Variants in CACNA1D observed in about 807,000 individuals in gnomAD.
CACNA1D encodes the protein calcium voltage-gated channel subunit alpha1 D.
In CACNA1D, 55 loss-of-function variants were observed where a neutral mutation model predicts 257.1. That is an observed-to-expected ratio of 0.21 (90% CI 0.17 to 0.27). The LOEUF is 0.27. Ranked by LOEUF, CACNA1D falls within the 10% of genes least tolerant of loss-of-function variation. CACNA1D has a pLI of 1.00. For synonymous variants in CACNA1D, 980 were observed against 1,014.9 expected, an observed-to-expected ratio of 0.97 and a Z score of 0.65; for missense variants, 1,876 against 2,784.0, an observed-to-expected ratio of 0.67 and a Z score of 7.34.
At chr3:53,632,495 A>G (rs1025457236) in intron 3 of CACNA1D, among the ~76,000 whole-genome samples, 1 of 152,246 alleles carries the variant, frequency 6.6e-6, no homozygotes, top group South Asian at 2.1e-4. Context: ...CATTGGAGTA[A>G]CACTTCTAAT....
At chr3:53,635,592 TTCTC>T (rs1490496640) in intron 3 of CACNA1D, among the ~76,000 whole-genome samples, 3 of 152,118 alleles carry the variant, frequency 2.0e-5, no homozygotes, top group Non-Finnish European at 4.4e-5. Flanking sequence ...GGGCTGCCCT[TTCTC>T]TATCTGGGTT....
At chr3:53,649,391 C>T (rs1328796221) in intron 3 of CACNA1D, among the ~76,000 whole-genome samples, 1 of 151,662 alleles carries the variant, frequency 6.6e-6, no homozygotes, top group African/African-American at 2.4e-5. Flanking sequence ...GCTTTTTTTC[C>T]CCCTGGAATC....
chr3:53,575,559 C>T (rs937681624), intron 3 of CACNA1D, among the ~76,000 whole-genome samples: 1 of 152,166 alleles, frequency 6.6e-6, no homozygotes, highest in African/African-American at 2.4e-5. Flanking sequence ...AATTCCCACA[C>T]CACAGGTGTG....
intron 3 of CACNA1D, among the ~76,000 whole-genome samples, chr3:53,616,063 A>G (rs566429270): frequency 1.3e-5 from 2 of 152,156 alleles, no homozygotes; most frequent in South Asian, 4.2e-4. Context: ...AGACTTGATG[A>G]TCCTTGGGAA....
At chr3:53,639,538 C>T (rs182492363) in intron 3 of CACNA1D, among the ~76,000 whole-genome samples, 58 of 152,170 alleles carry the variant, frequency 3.8e-4, no homozygotes, top group Admixed American at 1.4e-3. Flanking sequence ...AGGTGCATGC[C>T]ACCATGCCCA....
intron 5 of CACNA1D, among the ~76,000 whole-genome samples, chr3:53,663,552 A>T (rs1485197527): frequency 6.6e-6 from 1 of 152,078 alleles, no homozygotes; most frequent in Non-Finnish European, 1.5e-5. Flanking sequence ...TGCTGCCCCC[A>T]TCCTTCTTTT....
intron 29 of CACNA1D, among the ~76,000 whole-genome samples, chr3:53,755,334 AGT>A (rs147863905): frequency 0.027 from 4,135 of 151,950 alleles, 191 homozygotes; most frequent in African/African-American, 0.093. Context: ...TGTGTGTGTC[AGT>A]GTGTGTGTGT....
Position 53,776,628 on chromosome 3 carries a change from T to C in CACNA1D, c.4388T>C (p.Ile1463Thr), listed in dbSNP as rs2095399250. 6.2e-7 allele frequency: 1 copy of C among 1,614,126 alleles called. No individual in the cohort carries two copies. Among genetic ancestry groups the C allele is most frequent in the African/African-American group, 1.3e-5 (1 of 74,930 alleles). Residue 1463 changes from isoleucine (I) to threonine (T), a missense_variant, in exon 36 of 48, where the codon ATC (isoleucine) becomes ACC (threonine). Coordinates refer to ENST00000350061, the MANE Select transcript of CACNA1D (RefSeq NM_001128840.3). ...ATCATCAATCTGTTTGTGGCTGTCA[T>C]CATGGATAATTTCGACTATCTGACC... ...FLIINLFVAV[I>T]MDNFDYLTRD...
At chr3:53,790,467 A>G (rs978216652) in intron 40 of CACNA1D, among the ~76,000 whole-genome samples, 3 of 152,372 alleles carry the variant, frequency 2.0e-5, no homozygotes, top group East Asian at 1.9e-4. Context: ...CGAGGACACT[A>G]TGTCCCCCAC....
Position 53,713,527 on chromosome 3 carries a change from TGTGTGTGTGTGTGTGTGA to T in CACNA1D, c.1391-4772_1391-4755del, listed in dbSNP as rs1458387390. Among the ~76,000 whole-genome samples, 347 of 142,420 alleles carry T rather than the reference TGTGTGTGTGTGTGTGTGA, an allele frequency of 2.4e-3. 1 individual carries two copies. Among genetic ancestry groups the T allele is most frequent in the African/African-American group, 8.6e-3 (323 of 37,426 alleles). 93.4% of individuals were successfully genotyped at this position (142,420 alleles called of 152,430 possible). ...ATGTGTGTGTGTGTGTGTGTGTGTG[TGTGTGTGTGTGTGTGTGA>T]GAGATTTGCCTCCAAATTCACAAGC... On this transcript the variant is annotated intron_variant, in intron 9 of 47. Transcript: ENST00000350061.
chr3:53,508,403 G>T (rs1246015137), intron 3 of CACNA1D, among the ~76,000 whole-genome samples: 1 of 152,002 alleles, frequency 6.6e-6, no homozygotes, highest in Non-Finnish European at 1.5e-5. Flanking sequence ...CAGGTTTGTT[G>T]TACATATTAT....
intron 3 of CACNA1D, among the ~76,000 whole-genome samples, chr3:53,598,283 T>A (rs2093396378): frequency 6.6e-6 from 1 of 152,030 alleles, no homozygotes. Flanking sequence ...CTTAAAGAAA[T>A]GCCTTGTTCT....
At chr3:53,658,637 T>G (rs1411772453) in intron 4 of CACNA1D, among the ~76,000 whole-genome samples, 2 of 152,234 alleles carry the variant, frequency 1.3e-5, no homozygotes, top group Non-Finnish European at 2.9e-5. Context: ...GAGGTTTTCT[T>G]TCTTTCTTTT....
At chr3:53,598,402 A>G (rs1028735346) in intron 3 of CACNA1D, among the ~76,000 whole-genome samples, 1 of 150,136 alleles carries the variant, frequency 6.7e-6, no homozygotes, top group Non-Finnish European at 1.5e-5. Context: ...ATGGCACAAC[A>G]CCGTCTCTAC....
rs2095161790 is a variant in CACNA1D, at chr3:53,745,707, C to T, written c.3090C>T (p.Ala1030=). Residue 1030 remains alanine (A), a synonymous_variant, in exon 24 of 48, where the codon GCC becomes GCT. Coordinates refer to ENST00000350061, the MANE Select transcript of CACNA1D (RefSeq NM_001128840.3). ...IVTTLLQFMF[A]CIGVQLFKGK... Reference sequence around the variant, plus strand: ...CCACCCTCCTGCAGTTCATGTTTGCCTGTATCGGGGTCCAGTTGTTCAAGG... The same window carrying T: ...CCACCCTCCTGCAGTTCATGTTTGCTTGTATCGGGGTCCAGTTGTTCAAGG... 6.2e-7 allele frequency: 1 copy of T among 1,613,690 alleles called. No homozygotes were observed.
At chr3:53,634,890 T>C (rs2093863994) in intron 3 of CACNA1D, among the ~76,000 whole-genome samples, 1 of 152,212 alleles carries the variant, frequency 6.6e-6, no homozygotes, top group African/African-American at 2.4e-5. Context: ...ACCATCCTCA[T>C]GGCTGCCTGG....
intron 8 of CACNA1D, among the ~76,000 whole-genome samples, chr3:53,674,937 G>A (rs550068724): frequency 1.8e-4 from 28 of 152,340 alleles, no homozygotes; most frequent in Middle Eastern, 3.4e-3. Context: ...GCTGTATCTC[G>A]GGGAAGTGAT....
In CACNA1D at chr3:53,811,596, C is replaced by T. The variant is rs2095601216; in HGVS notation, c.*190C>T. The T allele has an allele frequency of 3.6e-6, 2 of 549,276 alleles. No homozygotes were observed. Among genetic ancestry groups the T allele is most frequent in the Non-Finnish European group, 6.3e-6 (2 of 316,222 alleles). 34.0% of individuals were successfully genotyped at this position (549,276 alleles called of 1,614,324 possible). A position where few individuals can be genotyped will look rare whatever the true frequency, so the allele number is the denominator to read the frequency against. The stretch of plus-strand genomic sequence containing the variant: ...TAGGAACAGGTCCCAAGCGGTTGAG[C>T]CTGGCAGAGTACCATGCGCTCGGCC... On this transcript the variant is annotated 3_prime_UTR_variant, in exon 48 of 48. Transcript: ENST00000350061. The surrounding 1 kb of genome is among the most constrained non-coding windows in gnomAD (Gnocchi z 4.2).
At chr3:53,644,968 A>T (rs2094003573) in intron 3 of CACNA1D, among the ~76,000 whole-genome samples, 1 of 152,208 alleles carries the variant, frequency 6.6e-6, no homozygotes, top group Non-Finnish European at 1.5e-5. Context: ...CCTCTTCTCC[A>T]TATCTTTGCC....
Sources: gnomAD v4.1 joint callset for allele counts (sites outside exome capture counted in the v4.1 genomes callset) on GRCh38, gnomAD v4.1.1 for gene constraint, Gnocchi (gnomAD v3.1) non-coding constraint, MANE v1.5 for transcripts, NCBI Gene and HGNC (gene_info 2026-07-23, HGNC 2026-07-21) for gene names.